AP5S1: variants seen among roughly 807,000 people sequenced by gnomAD.
AP5S1 encodes adaptor related protein complex 5 subunit sigma 1.
In AP5S1, 13 loss-of-function variants were observed where a neutral mutation model predicts 13.9. The observed-to-expected ratio is 0.94, with a 90% CI of 0.61 to 1.49. The LOEUF (loss-of-function observed/expected upper bound fraction) is 1.49. Ranked by LOEUF, AP5S1 falls within the 40% of genes most tolerant of loss-of-function variation. AP5S1 has a pLI of 0.00. For missense variants in AP5S1, 292 were observed against 272.3 expected (o/e 1.07, Z -0.51); for synonymous variants, 132 against 121.8 (o/e 1.08, Z -0.55).
intron 1 of AP5S1, 69 bp from the exon 2 acceptor site, chr20:3,822,033 C>G (rs893759310): frequency 2.6e-6 from 4 of 1,531,678 alleles, no homozygotes; most frequent in Admixed American, 1.9e-5. Context: ...CCAGGTCAGC[C>G]CCTTCCTGTG....
rs2146733162 is a variant in AP5S1, at chr20:3,824,526, G to T, written c.*229G>T. The T allele has an allele frequency of 1.7e-6, 1 of 575,236 alleles. No homozygotes were observed. The allele number at this position is 575,236 out of a possible 1,614,324, so 35.6% of individuals were successfully genotyped here. On this transcript the variant is annotated 3_prime_UTR_variant, in exon 3 of 3. Transcript: ENST00000615891. ...GAGCCTAGAGCTGCTGTGTTACTTA[G>T]ACCGCTGCCGTGCGGCAGCCACGCT...
Position 3,824,575 on chromosome 20 carries a change from A to G in AP5S1, c.*278A>G, listed in dbSNP as rs2089611316. ...CTTGTCCTTGAACCCACCTTCCTCCATCCCTGCCAGCCGATAGTGCTAGGG... is the reference window on the plus strand; with the variant it reads ...CTTGTCCTTGAACCCACCTTCCTCCGTCCCTGCCAGCCGATAGTGCTAGGG... On this transcript the variant is annotated 3_prime_UTR_variant, in exon 3 of 3. Coordinates refer to ENST00000615891, the MANE Select transcript of AP5S1 (RefSeq NM_018347.3). The G allele has an allele frequency of 4.3e-6, 2 of 466,810 alleles. No individual in the cohort carries two copies. The highest frequency in any genetic ancestry group is 3.7e-5 in the Admixed American group (1 of 26,936). 28.9% of individuals were successfully genotyped at this position (466,810 alleles called of 1,614,324 possible). A position where few individuals can be genotyped will look rare whatever the true frequency, so the allele number is the denominator to read the frequency against.
At chr20:3,823,493 C>A in intron 2 of AP5S1, 1 of 959,824 alleles carries the variant, frequency 1.0e-6, no homozygotes, top group Non-Finnish European at 1.2e-6. Flanking sequence ...CCTCGTGATC[C>A]GCCCGCCTCG....
Position 3,824,403 on chromosome 20 carries a change from C to G in AP5S1, c.*106C>G. On this transcript the variant is annotated 3_prime_UTR_variant, in exon 3 of 3. Transcript: ENST00000615891. ...CAGCAGCTCTGATGTGCTGCTATAC[C>G]AGGACAAGTGGGTGACACAAGCCTG... is the stretch of plus-strand genomic sequence containing the variant. The G allele has an allele frequency of 8.5e-7, 1 of 1,180,654 alleles. No individual in the cohort carries two copies. The highest frequency in any genetic ancestry group is 1.2e-6 in the Non-Finnish European group (1 of 842,284). The allele number at this position is 1,180,654 out of a possible 1,614,324, so 73.1% of individuals were successfully genotyped here. A position where few individuals can be genotyped will look rare whatever the true frequency, so the allele number is the denominator to read the frequency against.
chr20:3,821,928 T>A (rs2089585450), intron 1 of AP5S1, 174 bp from the exon 2 acceptor site: 1 of 984,020 alleles, frequency 1.0e-6, no homozygotes, highest in Non-Finnish European at 1.2e-6. Flanking sequence ...ATGTCTGAGA[T>A]TTTTTATCAC....
chr20:3,823,748 T>C, intron 2 of AP5S1, 123 bp from the exon 3 acceptor site: 1 of 1,508,604 alleles, frequency 6.6e-7, no homozygotes, highest in South Asian at 1.3e-5. Flanking sequence ...ACTTAGTCTC[T>C]CTAGGCCTCA....
chr20:3,824,588 G>T lies in AP5S1; in HGVS notation c.*291G>T. 1 of 449,350 alleles carries T rather than the reference G, an allele frequency of 2.2e-6. No individual in the cohort carries two copies. The highest frequency in any genetic ancestry group is 4.1e-6 in the Non-Finnish European group (1 of 246,072). 27.8% of individuals were successfully genotyped at this position (449,350 alleles called of 1,614,324 possible). A position where few individuals can be genotyped will look rare whatever the true frequency, so the allele number is the denominator to read the frequency against. On this transcript the variant is annotated 3_prime_UTR_variant, in exon 3 of 3. Coordinates refer to ENST00000615891, the MANE Select transcript of AP5S1 (RefSeq NM_018347.3). ...CCACCTTCCTCCATCCCTGCCAGCCGATAGTGCTAGGGTGAGGAGCTGCCT... is the reference window on the plus strand; with the variant it reads ...CCACCTTCCTCCATCCCTGCCAGCCTATAGTGCTAGGGTGAGGAGCTGCCT...
rs1360022786 is a variant in AP5S1, at chr20:3,828,817, A to T, written c.*4520A>T. 1 of 152,224 alleles carries T rather than the reference A, an allele frequency of 6.6e-6. No individual in the cohort carries two copies. The highest frequency in any genetic ancestry group is 2.4e-5 in the African/African-American group (1 of 41,460). The allele number at this position is 152,224 out of a possible 1,614,324, so 9.4% of individuals were successfully genotyped here. A position where few individuals can be genotyped will look rare whatever the true frequency, so the allele number is the denominator to read the frequency against. On this transcript the variant is annotated 3_prime_UTR_variant, in exon 3 of 3. Transcript: ENST00000615891. ...TGGTTGCTTCCAAGTTTTGGCAATTATGAATACAACTGCTACAAACATTTG... is the reference window on the plus strand; with the variant it reads ...TGGTTGCTTCCAAGTTTTGGCAATTTTGAATACAACTGCTACAAACATTTG...
In AP5S1 at chr20:3,825,224, C is replaced by G. The variant is rs898939563; in HGVS notation, c.*927C>G. On this transcript the variant is annotated 3_prime_UTR_variant, in exon 3 of 3. Transcript: ENST00000615891. ...CCCTCATCTGCAGGGAGAGAAGTTG[C>G]TGTCAGATGAATGTGAGCAGTCTAG... is the stretch of plus-strand genomic sequence containing the variant. The G allele has an allele frequency of 1.3e-5, 2 of 152,224 alleles. No individual in the cohort carries two copies. The highest frequency in any genetic ancestry group is 4.8e-5 in the African/African-American group (2 of 41,456). 9.4% of individuals were successfully genotyped at this position (152,224 alleles called of 1,614,324 possible).
chr20:3,824,208 C>T lies in AP5S1; in HGVS notation c.514C>T (p.Arg172Cys), dbSNP rs758015933. The T allele has an allele frequency of 1.2e-5, 19 of 1,614,194 alleles. No individual in the cohort carries two copies. The highest frequency in any genetic ancestry group is 3.3e-5 in the South Asian group (3 of 91,086). ...TGACCGCATTGAGGGCATCCTCACC[C>T]GCTTCCTGCCACATGGTCAGCTGCT... ...RADRIEGILT[R>C]FLPHGQLLFL... is the part of the protein sequence containing the mutation. Residue 172 changes from arginine to cysteine, a missense_variant, in exon 3 of 3, where the codon CGC (arginine) becomes TGC (cysteine). Transcript: ENST00000615891.
intron 1 of AP5S1, chr20:3,821,871 CTTTTTTCTTTT>C (rs1239173205): frequency 2.2e-6 from 2 of 917,694 alleles, no homozygotes; most frequent in Non-Finnish European, 2.6e-6. Flanking sequence ...GTTTGTTTTT[CTTTTTTCTTTT>C]TTTTTTTTTT....
Position 3,824,967 on chromosome 20 carries a change from CAA to C in AP5S1, c.*673_*674del, listed in dbSNP as rs1261679664. On this transcript the variant is annotated 3_prime_UTR_variant, in exon 3 of 3. Coordinates refer to ENST00000615891, the MANE Select transcript of AP5S1 (RefSeq NM_018347.3). Reference sequence around the variant, plus strand: ...AAAAAATCCCACAGTCATCGAAACACAAAAGGGGTCTCAGACTCCCCTGAGGG... The same window carrying C: ...AAAAAATCCCACAGTCATCGAAACACAAGGGGTCTCAGACTCCCCTGAGGG... The C allele has an allele frequency of 6.7e-6, 1 of 150,074 alleles. No homozygotes were observed. Among genetic ancestry groups the C allele is most frequent in the African/African-American group, 2.5e-5 (1 of 40,400 alleles). The allele number at this position is 150,074 out of a possible 1,614,324, so 9.3% of individuals were successfully genotyped here.
chr20:3,821,833 G>T (rs1343090936), intron 1 of AP5S1: 1 of 822,098 alleles, frequency 1.2e-6, no homozygotes, highest in Non-Finnish European at 1.5e-6. Flanking sequence ...CTAGGTTTAG[G>T]GTGGTCTGAG....
Position 3,823,915 on chromosome 20 carries a change from G to A in AP5S1, c.221G>A (p.Arg74Gln), listed in dbSNP as rs994202221. ...CGGCTGCAGCAGCAGGCATCTGGCC[G>A]GCCCCCCATGGACCTGCAGCCGCAA... ...MCRLQQQASG[R>Q]PPMDLQPQSS... is the part of the protein sequence containing the mutation. The change falls in exon 3 of 3, where the codon CGG becomes CAG. Residue 74 changes from arginine to glutamine, a missense_variant. Transcript: ENST00000615891. The A allele has an allele frequency of 3.1e-6, 5 of 1,603,468 alleles. No homozygotes were observed. The highest frequency in any genetic ancestry group is 1.7e-5 in the Admixed American group (1 of 60,012).
Position 3,824,246 on chromosome 20 carries a change from C to A in AP5S1, c.552C>A (p.Asp184Glu), listed in dbSNP as rs1272590863. ...ATGGTCAGCTGCTTTTCCTCAACGA[C>A]CAGTTTGTCCAAGGCCTGGAGAAGG... ...LPHGQLLFLN[D>E]QFVQGLEKEF... is the part of the protein sequence containing the mutation. The change falls in exon 3 of 3, where the codon GAC becomes GAA. Residue 184 changes from aspartate (D) to glutamate (E), a missense_variant. Coordinates refer to ENST00000615891, the MANE Select transcript of AP5S1 (RefSeq NM_018347.3). 6.2e-7 allele frequency: 1 copy of A among 1,614,184 alleles called. No individual in the cohort carries two copies. Among genetic ancestry groups the A allele is most frequent in the South Asian group, 1.1e-5 (1 of 91,090 alleles).
chr20:3,824,264 G>T lies in AP5S1; in HGVS notation c.570G>T (p.Leu190=). ...TCAACGACCAGTTTGTCCAAGGCCT[G>T]GAGAAGGAATTCAGTGCCGCTTGGC... ...LFLNDQFVQG[L]EKEFSAAWPR The change falls in exon 3 of 3, where the codon CTG becomes CTT. Residue 190 remains leucine, a synonymous_variant. Coordinates refer to ENST00000615891, the MANE Select transcript of AP5S1 (RefSeq NM_018347.3). 1 of 1,614,092 alleles carries T rather than the reference G, an allele frequency of 6.2e-7. No homozygotes were observed. Among genetic ancestry groups the T allele is most frequent in the African/African-American group, 1.3e-5 (1 of 75,060 alleles).
At position 3,824,274 on chromosome 20, in the gene AP5S1, T is replaced by C; in HGVS notation, c.580T>C (p.Phe194Leu). Residue 194 changes from phenylalanine to leucine, a missense_variant, in exon 3 of 3, where the codon TTC (phenylalanine) becomes CTC (leucine). Transcript: ENST00000615891. ...DQFVQGLEKE[F>L]SAAWPR The stretch of plus-strand genomic sequence containing the variant: ...GTTTGTCCAAGGCCTGGAGAAGGAA[T>C]TCAGTGCCGCTTGGCCCCGCTGATT... The C allele has an allele frequency of 6.2e-7, 1 of 1,613,716 alleles. No individual in the cohort carries two copies. The highest frequency in any genetic ancestry group is 8.5e-7 in the Non-Finnish European group (1 of 1,179,722).
intron 1 of AP5S1, among the ~76,000 whole-genome samples, chr20:3,821,535 C>G (rs1346545962): frequency 6.6e-6 from 1 of 152,032 alleles, no homozygotes; most frequent in Non-Finnish European, 1.5e-5. Context: ...CCATGCCCGG[C>G]TAATTTATTT....
rs772761422 is a variant in AP5S1 at position 3,822,224 on chromosome 20, A to T, written c.107A>T (p.Asp36Val). 1 of 1,614,150 alleles carries T rather than the reference A, an allele frequency of 6.2e-7. No homozygotes were observed. Among genetic ancestry groups the T allele is most frequent in the East Asian group, 2.2e-5 (1 of 44,888 alleles). Residue 36 changes from aspartate (D) to valine (V), a missense_variant, in exon 2 of 3, where the codon GAT becomes GTT. Physicochemically the swap from Asp to Val is radical, Grantham distance 152. Coordinates refer to ENST00000615891, the MANE Select transcript of AP5S1 (RefSeq NM_018347.3). ...GTCTTCGGTGCTGAGAAGTCACCTGATGACCCACGGCCGCATGGTGCCGAG... is the reference window on the plus strand; with the variant it reads ...GTCTTCGGTGCTGAGAAGTCACCTGTTGACCCACGGCCGCATGGTGCCGAG... ...SCVFGAEKSP[D>V]DPRPHGAERD...
Sources: allele counts gnomAD v4.1 joint callset (sites outside exome capture counted in the v4.1 genomes callset), GRCh38; gene constraint gnomAD v4.1.1; transcripts MANE v1.5; gene names NCBI Gene and HGNC (gene_info 2026-07-23, HGNC 2026-07-21).